Variants in FRMD4A observed in about 807,000 individuals in gnomAD.
The protein encoded by FRMD4A is FERM domain-containing protein 4A.
Under a neutral mutation model 129.1 loss-of-function variants are expected in FRMD4A, and 29 were observed. That is an observed-to-expected ratio of 0.22 (90% CI 0.17 to 0.31). The LOEUF is 0.31. FRMD4A is among the 10% of genes least tolerant of loss of function. FRMD4A has a pLI of 1.00. For missense variants in FRMD4A, 1,272 were observed against 1,375.8 expected (o/e 0.92, Z 1.19); for synonymous variants, 634 against 571.6 (o/e 1.11, Z -1.56).
chr10:14,147,927 T>C (rs926262263), intron 2 of FRMD4A, among the ~76,000 whole-genome samples: 1 of 152,238 alleles, frequency 6.6e-6, no homozygotes, highest in Non-Finnish European at 1.5e-5. Context: ...TTAATGTTTC[T>C]GTGCCTCTAT....
At chr10:14,325,535 C>T (rs534679647) in intron 2 of FRMD4A, among the ~76,000 whole-genome samples, 6 of 152,356 alleles carry the variant, frequency 3.9e-5, no homozygotes, top group African/African-American at 1.4e-4. Flanking sequence ...TCCACTCTGA[C>T]AACCAGCGCC....
intron 2 of FRMD4A, among the ~76,000 whole-genome samples, chr10:14,177,579 C>T (rs1308662581): frequency 6.6e-6 from 1 of 152,206 alleles, no homozygotes; most frequent in Non-Finnish European, 1.5e-5. Flanking sequence ...TGTACTCTCT[C>T]TGGCTCTCAA....
chr10:13,851,668 G>A (rs530011320), intron 3 of FRMD4A, among the ~76,000 whole-genome samples: 2 of 152,120 alleles, frequency 1.3e-5, no homozygotes, highest in Non-Finnish European at 1.5e-5. Context: ...TTGGGAGGCC[G>A]AGGCGGGTGG....
chr10:13,722,322 C>G (rs889518573), intron 12 of FRMD4A, among the ~76,000 whole-genome samples: 4 of 149,194 alleles, frequency 2.7e-5, no homozygotes, highest in African/African-American at 4.9e-5. Context: ...GCCTCGAATT[C>G]CTGGGCTCAA....
chr10:14,038,493 C>A (rs556997818), intron 2 of FRMD4A, among the ~76,000 whole-genome samples: 1 of 152,170 alleles, frequency 6.6e-6, no homozygotes, highest in African/African-American at 2.4e-5. Flanking sequence ...AAATATTCCT[C>A]TTAGTCCAAT....
At chr10:14,104,338 C>G (rs967964330) in intron 2 of FRMD4A, among the ~76,000 whole-genome samples, 11 of 152,250 alleles carry the variant, frequency 7.2e-5, no homozygotes, top group Non-Finnish European at 1.5e-4. Flanking sequence ...CGAGGTTACA[C>G]TGCCATTGAG....
intron 2 of FRMD4A, among the ~76,000 whole-genome samples, chr10:14,316,843 T>A (rs1185844434): frequency 2.0e-5 from 3 of 152,248 alleles, no homozygotes; most frequent in Admixed American, 6.5e-5. Context: ...AACTCCATCC[T>A]GGACTTAATA....
chr10:13,944,637 G>C (rs2095318550), intron 2 of FRMD4A, among the ~76,000 whole-genome samples: 1 of 152,048 alleles, frequency 6.6e-6, no homozygotes, highest in Non-Finnish European at 1.5e-5. Context: ...GAACATGACA[G>C]GTCTGCATAA....
chr10:14,232,065 T>C (rs1843657106), intron 2 of FRMD4A, among the ~76,000 whole-genome samples: 1 of 152,190 alleles, frequency 6.6e-6, no homozygotes, highest in African/African-American at 2.4e-5. Context: ...AGCTTTAGGT[T>C]TTACTTTTAA....
intron 2 of FRMD4A, among the ~76,000 whole-genome samples, chr10:14,207,757 A>G (rs1842827632): frequency 6.6e-6 from 1 of 151,574 alleles, no homozygotes; most frequent in African/African-American, 2.4e-5. Flanking sequence ...GCAACACACA[A>G]TGTATTAGTA....
At chr10:14,299,375 G>C (rs1846111487) in intron 2 of FRMD4A, among the ~76,000 whole-genome samples, 2 of 152,170 alleles carry the variant, frequency 1.3e-5, no homozygotes, top group Admixed American at 1.3e-4. Context: ...GCCATCGGGT[G>C]CAGGAGGGAA....
chr10:14,013,978 A>C (rs1209681131), intron 2 of FRMD4A, among the ~76,000 whole-genome samples: 1 of 152,208 alleles, frequency 6.6e-6, no homozygotes, highest in African/African-American at 2.4e-5. Context: ...AGGCCAGCCC[A>C]TGACAGCTCA....
chr10:14,006,566 T>TTG (rs140259153), intron 2 of FRMD4A, among the ~76,000 whole-genome samples: 19 of 151,770 alleles, frequency 1.3e-4, no homozygotes, highest in Admixed American at 3.3e-4. Flanking sequence ...GCGACTGGAT[T>TTG]TGTGTGTGTG....
At chr10:13,748,409 A>AT (rs2091405469) in intron 8 of FRMD4A, among the ~76,000 whole-genome samples, 3 of 152,086 alleles carry the variant, frequency 2.0e-5, no homozygotes, top group Admixed American at 1.3e-4. Flanking sequence ...CAGATTCCAG[A>AT]TTTTTTTCAG....
chr10:13,690,281 T>G lies in FRMD4A; in HGVS notation c.1117+3617A>C, dbSNP rs1399115619. On this transcript the variant is annotated intron_variant, in intron 15 of 24. Transcript: ENST00000357447. ...TGGAGATGAGCCAGCCGCCTAGATC[T>G]TCAGGCCAAGGCTAGATTTCCCCAT... Among the ~76,000 whole-genome samples the G allele has an allele frequency of 3.9e-5, 6 of 152,202 alleles. No individual in the cohort carries two copies. The East Asian group carries it at 1.2e-3, about 29-fold the overall frequency.
intron 2 of FRMD4A, among the ~76,000 whole-genome samples, chr10:14,053,401 T>G (rs1834357162): frequency 6.6e-6 from 1 of 152,176 alleles, no homozygotes; most frequent in African/African-American, 2.4e-5. Flanking sequence ...GGGCACCTTG[T>G]GCAGCCTGAA....
chr10:14,095,358 T>C (rs913316731), intron 2 of FRMD4A, among the ~76,000 whole-genome samples: 4 of 152,160 alleles, frequency 2.6e-5, no homozygotes, highest in Non-Finnish European at 1.5e-5. Flanking sequence ...ACTTTCATGC[T>C]CAGAATAGAT....
chr10:13,665,933 T>C (rs2082997505), intron 18 of FRMD4A, among the ~76,000 whole-genome samples, 164 bp downstream of exon 18: 1 of 152,216 alleles, frequency 6.6e-6, no homozygotes, highest in Admixed American at 6.5e-5. Context: ...GTTTCTCTCA[T>C]GTGGGATCAG....
chr10:14,214,008 T>C (rs1191233090), intron 2 of FRMD4A, among the ~76,000 whole-genome samples: 2 of 152,230 alleles, frequency 1.3e-5, no homozygotes, highest in Non-Finnish European at 2.9e-5. Context: ...TCTGATGGTT[T>C]TGTAAAGGGC....
Sources: gnomAD v4.1 joint callset for allele counts (sites outside exome capture counted in the v4.1 genomes callset) on GRCh38, gnomAD v4.1.1 for gene constraint, MANE v1.5 for transcripts, NCBI Gene and HGNC (gene_info 2026-07-23, HGNC 2026-07-21) for gene names.